Variants in DPY19L4 observed in about 807,000 individuals in gnomAD.
DPY19L4 encodes the protein dpy-19 like 4.
In DPY19L4, 97 loss-of-function variants were observed where a neutral mutation model predicts 102.8. The observed-to-expected ratio is 0.94, with a 90% CI of 0.80 to 1.12. DPY19L4 has a LOEUF of 1.12. Among genes scored for constraint, DPY19L4 ranks in the 50% most tolerant of loss-of-function variants. The pLI is 0.00. For synonymous variants in DPY19L4, 252 were observed against 283.1 expected (o/e 0.89, Z 1.10); for missense variants, 815 against 850.4 (o/e 0.96, Z 0.52).
intron 8 of DPY19L4, among the ~76,000 whole-genome samples, chr8:94,764,298 C>T (rs192892081): frequency 2.2e-4 from 34 of 152,160 alleles, no homozygotes; most frequent in African/African-American, 7.9e-4. Flanking sequence ...GTGATAAGGG[C>T]CGGGTGTGTG....
chr8:94,733,812 G>A (rs991707104), intron 2 of DPY19L4, among the ~76,000 whole-genome samples: 1 of 152,034 alleles, frequency 6.6e-6, no homozygotes, highest in African/African-American at 2.4e-5. Flanking sequence ...AAAGTGGCGG[G>A]ATTACAGACG....
Position 94,761,789 on chromosome 8 carries a change from A to G in DPY19L4, c.825A>G (p.Ile275Met). The change falls in exon 8 of 19, where the codon ATA becomes ATG. Residue 275 changes from isoleucine to methionine, a missense_variant. Coordinates refer to ENST00000414645, the MANE Select transcript of DPY19L4 (RefSeq NM_181787.3). ...ACTATCTCCTGTTTCTTCAAGCAAT[A>G]TCTCTATTCCTGCTAGATACCTTTT... is the stretch of plus-strand genomic sequence containing the variant. ...YSHYLLFLQA[I>M]SLFLLDTFSV... 1 of 1,612,504 alleles carries G rather than the reference A, an allele frequency of 6.2e-7. No individual in the cohort carries two copies.
At chr8:94,770,380 G>A in intron 12 of DPY19L4, 72 bp from the exon 13 acceptor site, 1 of 1,443,660 alleles carries the variant, frequency 6.9e-7, no homozygotes, top group South Asian at 1.4e-5. Context: ...CTTCAAAGAT[G>A]ATAAACAATG....
Position 94,793,532 on chromosome 8 carries a change from A to G in DPY19L4, c.*3622A>G, listed in dbSNP as rs1813936922. The G allele has an allele frequency of 6.6e-6, 1 of 152,198 alleles. No individual in the cohort carries two copies. Among genetic ancestry groups the G allele is most frequent in the African/African-American group, 2.4e-5 (1 of 41,462 alleles). The allele number at this position is 152,198 out of a possible 1,614,324, so 9.4% of individuals were successfully genotyped here. ...CGCAAATAACTACTTCCTGATTTAC[A>G]TCTCAATATATTCTTCTTTCATTTG... On this transcript the variant is annotated 3_prime_UTR_variant, in exon 19 of 19. Transcript: ENST00000414645.
chr8:94,786,961 T>A (rs1294176584), intron 17 of DPY19L4, among the ~76,000 whole-genome samples: 2 of 152,162 alleles, frequency 1.3e-5, no homozygotes, highest in African/African-American at 4.8e-5. Flanking sequence ...CGAGGGGACA[T>A]TTGGCAGTGT....
intron 14 of DPY19L4, 147 bp from the exon 15 acceptor site, chr8:94,780,211 TG>T: frequency 4.4e-6 from 2 of 457,930 alleles, no homozygotes; most frequent in Non-Finnish European, 7.2e-6. Context: ...CATCTCATTC[TG>T]TGAACTAGGT....
chr8:94,760,706 G>A (rs1812359753), intron 7 of DPY19L4, among the ~76,000 whole-genome samples: 1 of 152,122 alleles, frequency 6.6e-6, no homozygotes, highest in South Asian at 2.1e-4. Context: ...TCTGAGCAAG[G>A]TCATTTGACA....
chr8:94,731,837 C>T (rs1025723297), intron 2 of DPY19L4, among the ~76,000 whole-genome samples: 8 of 152,026 alleles, frequency 5.3e-5, no homozygotes, highest in Admixed American at 1.3e-4. Flanking sequence ...CTGCAAGCTC[C>T]GCCCCCTGCA....
chr8:94,748,359 A>G (rs1451410228), intron 6 of DPY19L4, among the ~76,000 whole-genome samples: 2 of 152,142 alleles, frequency 1.3e-5, no homozygotes, highest in African/African-American at 4.8e-5. Flanking sequence ...GGAACTACTG[A>G]GTTCAGCTTC....
In DPY19L4 at chr8:94,765,799, TTA is replaced by T; in HGVS notation, c.1094_1095del (p.Ile365AsnfsTer18). The T allele has an allele frequency of 6.5e-7, 1 of 1,549,276 alleles. No individual in the cohort carries two copies. The highest frequency in any genetic ancestry group is 8.8e-7 in the Non-Finnish European group (1 of 1,130,600). ...TGTACTCTGACAATAACATTGAATA[TTA>T]TAATGAAGGTAAGTAACTCTCTGGG... is the stretch of plus-strand genomic sequence containing the variant. On this transcript the variant is annotated frameshift_variant, in exon 10 of 19. Coordinates refer to ENST00000414645, the MANE Select transcript of DPY19L4 (RefSeq NM_181787.3). LOFTEE classifies it high-confidence loss of function.
At chr8:94,767,045 G>A (rs1812706150) in intron 11 of DPY19L4, among the ~76,000 whole-genome samples, 1 of 150,194 alleles carries the variant, frequency 6.7e-6, no homozygotes, top group Admixed American at 6.6e-5. Context: ...ACCCCAGCCT[G>A]GGCAACGGTG....
intron 6 of DPY19L4, among the ~76,000 whole-genome samples, chr8:94,745,342 C>G (rs955499135): frequency 1.7e-5 from 2 of 114,458 alleles, no homozygotes; most frequent in East Asian, 2.0e-4. Context: ...TTGTCTTGTT[C>G]CCCATGATCT....
chr8:94,768,391 A>G lies in DPY19L4; in HGVS notation c.1176-4A>G, dbSNP rs146338155. Reference sequence around the variant, plus strand: ...TTTAATATCATACTTTTTGTCTTCTATAGGAATTTTACAATGAATTGGCTC... The same window carrying G: ...TTTAATATCATACTTTTTGTCTTCTGTAGGAATTTTACAATGAATTGGCTC... On this transcript the variant is annotated splice_region_variant and splice_polypyrimidine_tract_variant and intron_variant, in intron 11 of 18. Coordinates refer to ENST00000414645, the MANE Select transcript of DPY19L4 (RefSeq NM_181787.3). 355 of 1,588,040 alleles carry G rather than the reference A, an allele frequency of 2.2e-4. 1 individual carries two copies. Among genetic ancestry groups the G allele is most frequent in the African/African-American group, 1.5e-3 (107 of 73,050 alleles).
At position 94,790,187 on chromosome 8, in the gene DPY19L4, TC is replaced by T. The variant is rs1272849600; in HGVS notation, c.*281del. 4.5e-6 allele frequency: 1 copy of T among 220,544 alleles called. No individual in the cohort carries two copies. The highest frequency in any genetic ancestry group is 2.3e-5 in the African/African-American group (1 of 43,902). The allele number at this position is 220,544 out of a possible 1,614,324, so 13.7% of individuals were successfully genotyped here. A position where few individuals can be genotyped will look rare whatever the true frequency, so the allele number is the denominator to read the frequency against. On this transcript the variant is annotated 3_prime_UTR_variant, in exon 19 of 19. Transcript: ENST00000414645. The stretch of plus-strand genomic sequence containing the variant: ...AACACTTTTACTGATTGCAATATTT[TC>T]CCCATAAAATCTTCATTCTATTATA...
chr8:94,786,853 T>C lies in DPY19L4; in HGVS notation c.1849-1041T>C, dbSNP rs182769113. On this transcript the variant is annotated intron_variant, in intron 17 of 18. Transcript: ENST00000414645. ...GTGAGACACTGCGCCTGGCCAACCATATCATTTAAATTACACAGAGTCTCT... is the reference window on the plus strand; with the variant it reads ...GTGAGACACTGCGCCTGGCCAACCACATCATTTAAATTACACAGAGTCTCT... Among the ~76,000 whole-genome samples the C allele has an allele frequency of 2.5e-3, 375 of 152,300 alleles. 3 individuals are homozygous for C. Among genetic ancestry groups the C allele is most frequent in the African/African-American group, 8.5e-3 (353 of 41,564 alleles).
At chr8:94,740,145 ACTGTAG>A (rs1469608015) in intron 6 of DPY19L4, among the ~76,000 whole-genome samples, 1 of 152,072 alleles carries the variant, frequency 6.6e-6, no homozygotes, top group Non-Finnish European at 1.5e-5. Context: ...CCTGATGAAA[ACTGTAG>A]CTCTGGCCGA....
chr8:94,783,575 T>C, intron 16 of DPY19L4, 95 bp from the exon 17 acceptor site: 1 of 1,439,684 alleles, frequency 6.9e-7, no homozygotes, highest in Non-Finnish European at 9.3e-7. Context: ...TGTGTAAACA[T>C]TGTAAGTTGT....
At position 94,790,758 on chromosome 8, in the gene DPY19L4, A is replaced by C; in HGVS notation, c.*848A>C. ...TTCACATGTTTTCTACTGAAGTACT[A>C]AGTAAAAAAATTAAATCATTATCAG... is the stretch of plus-strand genomic sequence containing the variant. On this transcript the variant is annotated 3_prime_UTR_variant, in exon 19 of 19. Coordinates refer to ENST00000414645, the MANE Select transcript of DPY19L4 (RefSeq NM_181787.3). The C allele has an allele frequency of 6.6e-6, 1 of 152,220 alleles. No homozygotes were observed. Among genetic ancestry groups the C allele is most frequent in the Middle Eastern group, 3.4e-3 (1 of 294 alleles). 9.4% of individuals were successfully genotyped at this position (152,220 alleles called of 1,614,324 possible). A position where few individuals can be genotyped will look rare whatever the true frequency, so the allele number is the denominator to read the frequency against.
chr8:94,769,695 A>G (rs1001680955), intron 12 of DPY19L4, among the ~76,000 whole-genome samples: 2 of 151,978 alleles, frequency 1.3e-5, no homozygotes, highest in African/African-American at 4.8e-5. Flanking sequence ...TCTTAAAGAA[A>G]AAGAAAAAAA....
Sources: gnomAD v4.1 joint callset for allele counts (sites outside exome capture counted in the v4.1 genomes callset) on GRCh38, gnomAD v4.1.1 for gene constraint, MANE v1.5 for transcripts, NCBI Gene and HGNC (gene_info 2026-07-23, HGNC 2026-07-21) for gene names.